Variants in PTPRM observed in about 807,000 individuals in gnomAD.
PTPRM encodes the protein protein tyrosine phosphatase receptor type M, also known as receptor-type tyrosine-protein phosphatase mu.
A neutral mutation model predicts 186.7 loss-of-function variants in PTPRM; 47 were observed. The ratio of observed to expected loss-of-function variants is 0.25; its 90% CI spans 0.20 to 0.32. PTPRM has a LOEUF of 0.32. PTPRM is among the 10% of genes least tolerant of loss of function. PTPRM has a pLI of 1.00. For synonymous variants in PTPRM, 668 were observed against 674.9 expected, an observed-to-expected ratio of 0.99 and a Z score of 0.16; for missense variants, 1,494 against 1,865.0, an observed-to-expected ratio of 0.80 and a Z score of 3.66.
chr18:8,004,518 T>C (rs1407907783), intron 7 of PTPRM, among the ~76,000 whole-genome samples: 1 of 150,828 alleles, frequency 6.6e-6, no homozygotes, highest in African/African-American at 2.4e-5. Context: ...TTTGCAAAGA[T>C]AGGATGGGCC....
At chr18:7,655,271 G>A (rs890763316) in intron 1 of PTPRM, among the ~76,000 whole-genome samples, 3 of 152,108 alleles carry the variant, frequency 2.0e-5, no homozygotes, top group African/African-American at 7.2e-5. Context: ...TGCCCAGGCT[G>A]GTCTCAAACT....
intron 1 of PTPRM, among the ~76,000 whole-genome samples, chr18:7,679,870 AT>A (rs1235274884): frequency 6.6e-6 from 1 of 151,860 alleles, no homozygotes; most frequent in Non-Finnish European, 1.5e-5. Flanking sequence ...GAAAAAAAAA[AT>A]ATTTTATTTT....
chr18:7,687,618 G>A (rs2039633212), intron 1 of PTPRM, among the ~76,000 whole-genome samples: 1 of 152,108 alleles, frequency 6.6e-6, no homozygotes, highest in Non-Finnish European at 1.5e-5. Flanking sequence ...ACATTATAAT[G>A]TGTTGGCAGC....
rs150954710 is a variant in PTPRM, at chr18:8,325,997, T to C, written c.2956+6783T>C. On this transcript the variant is annotated intron_variant, in intron 22 of 32. Coordinates refer to ENST00000580170, the MANE Select transcript of PTPRM (RefSeq NM_001105244.2). ...CCTTTTCAAGTGTATCTGTTCCTGTTTTTTGCCAAATTTTTAATGGGGTTA... is the reference window on the plus strand; with the variant it reads ...CCTTTTCAAGTGTATCTGTTCCTGTCTTTTGCCAAATTTTTAATGGGGTTA... Among the ~76,000 whole-genome samples the C allele has an allele frequency of 9.8e-5, 15 of 152,318 alleles. No homozygotes were observed. In the East Asian group the frequency reaches 2.5e-3, roughly 25 times the overall value.
intron 1 of PTPRM, among the ~76,000 whole-genome samples, chr18:7,759,140 T>G (rs1455736248): frequency 1.3e-5 from 2 of 152,194 alleles, no homozygotes. Context: ...CTAGGCAAAT[T>G]TCTAGCTCCA....
At chr18:8,313,122 T>C (rs2095281908) in intron 20 of PTPRM, among the ~76,000 whole-genome samples, 1 of 152,200 alleles carries the variant, frequency 6.6e-6, no homozygotes, top group Admixed American at 6.5e-5. Context: ...CTCCCCTGGC[T>C]TTTATCTCAA....
At chr18:7,832,836 T>C (rs1488974846) in intron 2 of PTPRM, among the ~76,000 whole-genome samples, 1 of 152,210 alleles carries the variant, frequency 6.6e-6, no homozygotes, top group Non-Finnish European at 1.5e-5. Flanking sequence ...CTTCTACATA[T>C]GAATATCCAC....
chr18:7,913,992 A>G (rs1291716602), intron 4 of PTPRM, among the ~76,000 whole-genome samples: 2 of 152,106 alleles, frequency 1.3e-5, no homozygotes, highest in African/African-American at 4.8e-5. Flanking sequence ...AATTATTCTT[A>G]TTTTTTAAAA....
intron 1 of PTPRM, among the ~76,000 whole-genome samples, chr18:7,750,392 C>T (rs1252945077): frequency 6.6e-6 from 1 of 152,190 alleles, no homozygotes; most frequent in Non-Finnish European, 1.5e-5. Context: ...ACCCTTTACC[C>T]TAACTTTGGA....
chr18:8,313,526 C>T (rs1183871631), intron 20 of PTPRM, among the ~76,000 whole-genome samples: 2 of 151,832 alleles, frequency 1.3e-5, no homozygotes, highest in Non-Finnish European at 2.9e-5. Flanking sequence ...CAGCAGTGAT[C>T]AGTGCAGGAA....
intron 1 of PTPRM, among the ~76,000 whole-genome samples, chr18:7,756,343 A>G (rs2144689055): frequency 6.6e-6 from 1 of 152,350 alleles, no homozygotes; most frequent in South Asian, 2.1e-4. Flanking sequence ...CTCTTGCTTA[A>G]TTAACATGCT....
intron 22 of PTPRM, among the ~76,000 whole-genome samples, chr18:8,342,542 T>C (rs1568787425): frequency 6.6e-6 from 1 of 152,204 alleles, no homozygotes; most frequent in Non-Finnish European, 1.5e-5. Context: ...TGCCTGAACA[T>C]TTTTATGATT....
intron 14 of PTPRM, among the ~76,000 whole-genome samples, chr18:8,145,031 G>T (rs1029116179): frequency 6.6e-6 from 1 of 152,126 alleles, no homozygotes; most frequent in African/African-American, 2.4e-5. Context: ...GTGGTAACAT[G>T]ATCTCATTTT....
At chr18:7,619,472 CTG>C (rs763315017) in intron 1 of PTPRM, among the ~76,000 whole-genome samples, 2 of 151,806 alleles carry the variant, frequency 1.3e-5, no homozygotes, top group African/African-American at 2.4e-5. Flanking sequence ...GCAGTTGCTG[CTG>C]TGTGTGTGTG....
intron 1 of PTPRM, among the ~76,000 whole-genome samples, chr18:7,682,485 G>A (rs2039501911): frequency 1.3e-5 from 2 of 152,118 alleles, no homozygotes; most frequent in African/African-American, 2.4e-5. Flanking sequence ...CTTTTATTAG[G>A]TTACACCTGA....
intron 7 of PTPRM, among the ~76,000 whole-genome samples, chr18:8,004,206 G>T (rs1247193673): frequency 6.6e-6 from 1 of 152,092 alleles, no homozygotes; most frequent in African/African-American, 2.4e-5. Context: ...CAAACTGAAA[G>T]CAACCACTTA....
chr18:7,774,433 T>G (rs533770634), intron 2 of PTPRM, among the ~76,000 whole-genome samples, 162 bp downstream of exon 2: 1 of 152,326 alleles, frequency 6.6e-6, no homozygotes, highest in African/African-American at 2.4e-5. Context: ...ACAGGATAGG[T>G]TATAAAAGTT....
At chr18:8,065,624 G>C (rs534231916) in intron 7 of PTPRM, among the ~76,000 whole-genome samples, 137 of 152,274 alleles carry the variant, frequency 9.0e-4, no homozygotes, top group South Asian at 1.9e-3. Flanking sequence ...TGTGGCCAGA[G>C]GGTGTGAGTG....
chr18:7,656,705 T>A (rs1284712204), intron 1 of PTPRM, among the ~76,000 whole-genome samples: 1 of 152,140 alleles, frequency 6.6e-6, no homozygotes, highest in African/African-American at 2.4e-5. Context: ...GGTGAATATG[T>A]GACGTGCATT....
Sources: gnomAD v4.1 joint callset for allele counts (sites outside exome capture counted in the v4.1 genomes callset) on GRCh38, gnomAD v4.1.1 for gene constraint, MANE v1.5 for transcripts, NCBI Gene and HGNC (gene_info 2026-07-23, HGNC 2026-07-21) for gene names.